The following ENTREP2 variants were observed in gnomAD, a reference collection of about 807,000 sequenced individuals.
ENTREP2 encodes endosomal transmembrane epsin interactor 2.
At chr15:29,501,604 A>G in the ENTREP2 span, among the ~76,000 whole-genome samples, 1 of 152,080 alleles carries the variant, frequency 6.6e-6, no homozygotes, top group African/African-American at 2.4e-5. Flanking sequence ...AAGATCAGGA[A>G]GAAGACAAGG....
the ENTREP2 span, among the ~76,000 whole-genome samples, chr15:29,227,421 G>A: frequency 0.023 from 3,570 of 152,238 alleles, 146 homozygotes; most frequent in African/African-American, 0.081. Flanking sequence ...TACAGGGGGC[G>A]GTGAGCAAGG....
the ENTREP2 span, among the ~76,000 whole-genome samples, chr15:29,626,301 G>A: frequency 6.6e-6 from 1 of 152,100 alleles, no homozygotes; most frequent in South Asian, 2.1e-4. Flanking sequence ...TCAAAGGCAG[G>A]GCCAAGTGGA....
the ENTREP2 span, among the ~76,000 whole-genome samples, chr15:29,480,934 C>G: frequency 1.3e-5 from 2 of 152,126 alleles, no homozygotes; most frequent in Middle Eastern, 3.2e-3. Flanking sequence ...GGGAATGTGT[C>G]AAACACTCAG....
At chr15:29,282,632 A>G in the ENTREP2 span, among the ~76,000 whole-genome samples, 1 of 152,068 alleles carries the variant, frequency 6.6e-6, no homozygotes, top group African/African-American at 2.4e-5. Flanking sequence ...CATGAATTCA[A>G]TATTTTAGAT....
At chr15:29,414,667 G>A in the ENTREP2 span, among the ~76,000 whole-genome samples, 1 of 152,074 alleles carries the variant, frequency 6.6e-6, no homozygotes, top group Admixed American at 6.6e-5. Context: ...AACTGAAGGA[G>A]ATAGAGACAC....
chr15:29,185,734 G>A, the ENTREP2 span, among the ~76,000 whole-genome samples: 1 of 151,922 alleles, frequency 6.6e-6, no homozygotes, highest in Non-Finnish European at 1.5e-5. Flanking sequence ...GCTAATTTTT[G>A]TATTTTTAGT....
chr15:29,326,579 AAT>A, the ENTREP2 span, among the ~76,000 whole-genome samples: 1 of 152,176 alleles, frequency 6.6e-6, no homozygotes, highest in Non-Finnish European at 1.5e-5. Context: ...TACCTAAATA[AAT>A]ATAGAGATAT....
chr15:29,519,155 T>G, the ENTREP2 span, among the ~76,000 whole-genome samples: 1 of 151,590 alleles, frequency 6.6e-6, no homozygotes. Context: ...TCTCTCTCTC[T>G]CTCTCACACA....
the ENTREP2 span, among the ~76,000 whole-genome samples, chr15:29,415,277 G>A: frequency 6.6e-6 from 1 of 152,162 alleles, no homozygotes; most frequent in Admixed American, 6.5e-5. Flanking sequence ...ACCGAATCCA[G>A]CAGCACATCA....
the ENTREP2 span, among the ~76,000 whole-genome samples, chr15:29,129,491 A>G: frequency 6.6e-6 from 1 of 151,424 alleles, no homozygotes; most frequent in South Asian, 2.1e-4. Flanking sequence ...TTCTTTATTT[A>G]TACATTTTAG....
chr15:29,474,727 G>T, the ENTREP2 span, among the ~76,000 whole-genome samples: 1 of 151,882 alleles, frequency 6.6e-6, no homozygotes, highest in Non-Finnish European at 1.5e-5. Flanking sequence ...GCTAATTTTT[G>T]TATCGTTAGA....
the ENTREP2 span, among the ~76,000 whole-genome samples, chr15:29,211,331 C>T: frequency 1.3e-5 from 2 of 152,162 alleles, no homozygotes; most frequent in Non-Finnish European, 2.9e-5. Flanking sequence ...CAGACACACT[C>T]GATGTGTGCC....
At chr15:29,490,371 G>A in the ENTREP2 span, among the ~76,000 whole-genome samples, 4 of 152,200 alleles carry the variant, frequency 2.6e-5, no homozygotes, top group Non-Finnish European at 4.4e-5. Flanking sequence ...AAGAGCGAAA[G>A]AACAAAACCT....
chr15:29,192,994 TC>T, the ENTREP2 span, among the ~76,000 whole-genome samples: 1 of 152,058 alleles, frequency 6.6e-6, no homozygotes, highest in Non-Finnish European at 1.5e-5. Flanking sequence ...ATAATAAACA[TC>T]TATGAAAAAC....
chr15:29,336,121 G>A, the ENTREP2 span, among the ~76,000 whole-genome samples: 4,910 of 114,396 alleles, frequency 0.043, 294 homozygotes, highest in African/African-American at 0.15. Flanking sequence ...CAGCCTGGGC[G>A]ACAGAGCGAG....
the ENTREP2 span, among the ~76,000 whole-genome samples, chr15:29,249,360 A>C: frequency 6.6e-6 from 1 of 152,194 alleles, no homozygotes; most frequent in Non-Finnish European, 1.5e-5. Context: ...AAAAGAAATC[A>C]CAAGGCAGCA....
the ENTREP2 span, among the ~76,000 whole-genome samples, chr15:29,462,672 T>G: frequency 2.6e-5 from 4 of 152,070 alleles, no homozygotes; most frequent in African/African-American, 9.7e-5. Context: ...GGTGGCCAAG[T>G]GTCTGGTGTA....
the ENTREP2 span, among the ~76,000 whole-genome samples, chr15:29,400,572 T>A: frequency 6.6e-6 from 1 of 152,210 alleles, no homozygotes; most frequent in Non-Finnish European, 1.5e-5. Context: ...AAACTTAATC[T>A]CTACGTTTCA....
the ENTREP2 span, among the ~76,000 whole-genome samples, chr15:29,504,874 T>A: frequency 6.6e-6 from 1 of 152,240 alleles, no homozygotes; most frequent in Non-Finnish European, 1.5e-5. Flanking sequence ...ACTGTCATGT[T>A]AGGTCATTAG....
Sources: allele counts gnomAD v4.1 joint callset (sites outside exome capture counted in the v4.1 genomes callset), GRCh38; gene constraint gnomAD v4.1.1; transcripts MANE v1.5; gene names NCBI Gene and HGNC (gene_info 2026-07-23, HGNC 2026-07-21).